The following CRPPA variants were observed in gnomAD, a reference collection of about 807,000 sequenced individuals.
CRPPA encodes the protein CDP-L-ribitol pyrophosphorylase A.
In CRPPA, 43 loss-of-function variants were observed where a neutral mutation model predicts 52.0. The observed-to-expected ratio is 0.83, with a 90% CI of 0.65 to 1.07. CRPPA has a LOEUF of 1.07. Ranked by LOEUF, CRPPA falls within the 50% of genes least tolerant of loss-of-function variation. CRPPA has a pLI of 0.00. For synonymous variants in CRPPA, 250 were observed against 203.5 expected, an observed-to-expected ratio of 1.23 and a Z score of -1.94; for missense variants, 629 against 551.7, an observed-to-expected ratio of 1.14 and a Z score of -1.40.
In CRPPA at chr7:16,320,510, G is replaced by C. The variant is rs1045903410; in HGVS notation, c.685-11883C>G. Reference sequence around the variant, plus strand: ...AATGGTCCACGGCTACAGATAATCTGATTACCTATCCTTCCAGCCTTAACA... The same window carrying C: ...AATGGTCCACGGCTACAGATAATCTCATTACCTATCCTTCCAGCCTTAACA... On this transcript the variant is annotated intron_variant, in intron 3 of 9. Coordinates refer to ENST00000407010, the MANE Select transcript of CRPPA (RefSeq NM_001101426.4). Among the ~76,000 whole-genome samples, 6 of 152,084 alleles carry C rather than the reference G, an allele frequency of 3.9e-5. 1 individual carries two copies. Among genetic ancestry groups the C allele is most frequent in the African/African-American group, 1.4e-4 (6 of 41,412 alleles).
At chr7:16,373,002 G>T (rs1786786766) in intron 3 of CRPPA, among the ~76,000 whole-genome samples, 2 of 152,290 alleles carry the variant, frequency 1.3e-5, no homozygotes, top group Admixed American at 6.5e-5. Flanking sequence ...CCTCAATAGA[G>T]AGTGGAAATA....
intron 3 of CRPPA, among the ~76,000 whole-genome samples, chr7:16,373,460 G>C (rs557120805): frequency 1.3e-5 from 2 of 152,308 alleles, no homozygotes; most frequent in Non-Finnish European, 2.9e-5. Context: ...ATACCAGGCA[G>C]ATTGCTAAGA....
intron 2 of CRPPA, among the ~76,000 whole-genome samples, chr7:16,383,717 G>A (rs1244378307): frequency 1.3e-5 from 2 of 152,196 alleles, no homozygotes; most frequent in Non-Finnish European, 1.5e-5. Flanking sequence ...CCCTCCCCCA[G>A]CCTCGCTGCC....
At chr7:16,158,961 T>A (rs1353811292) in intron 9 of CRPPA, among the ~76,000 whole-genome samples, 2 of 152,244 alleles carry the variant, frequency 1.3e-5, no homozygotes, top group African/African-American at 2.4e-5. Flanking sequence ...GTTTTTTAGC[T>A]ATACTTATTT....
intron 9 of CRPPA, among the ~76,000 whole-genome samples, chr7:16,138,763 A>G (rs1431084221): frequency 6.6e-6 from 1 of 152,066 alleles, no homozygotes; most frequent in Non-Finnish European, 1.5e-5. Flanking sequence ...AAACATTGTA[A>G]AGGGCCCATT....
chr7:16,117,022 T>A (rs1292595263), intron 9 of CRPPA, among the ~76,000 whole-genome samples: 6 of 152,200 alleles, frequency 3.9e-5, no homozygotes, highest in East Asian at 1.9e-4. Flanking sequence ...TGCTGCTTTT[T>A]TAGCATCTAG....
intron 9 of CRPPA, among the ~76,000 whole-genome samples, chr7:16,188,918 A>T (rs992017330): frequency 1.3e-5 from 2 of 152,182 alleles, no homozygotes; most frequent in Non-Finnish European, 2.9e-5. Flanking sequence ...ACAAGTTCCA[A>T]AATATAAAAC....
intron 9 of CRPPA, among the ~76,000 whole-genome samples, chr7:16,095,970 G>A (rs1781927865): frequency 6.6e-6 from 1 of 152,158 alleles, no homozygotes; most frequent in Non-Finnish European, 1.5e-5. Context: ...GTGCCAAGGA[G>A]CAGGAGGTTA....
At chr7:16,266,265 T>C (rs1783950242) in intron 6 of CRPPA, 1 of 152,194 alleles carries the variant, frequency 6.6e-6, no homozygotes, top group Non-Finnish European at 1.5e-5. Context: ...TCTGACCCAC[T>C]GCATTAAACG....
chr7:16,105,939 T>C (rs1050624500), intron 9 of CRPPA, among the ~76,000 whole-genome samples: 1 of 152,156 alleles, frequency 6.6e-6, no homozygotes, highest in Non-Finnish European at 1.5e-5. Flanking sequence ...GAGAAATGAA[T>C]GGACTACACC....
In CRPPA at chr7:16,376,213, G is replaced by C; in HGVS notation, c.563C>G (p.Ser188Cys). Residue 188 changes from serine to cysteine, a missense_variant, in exon 3 of 10, where the codon TCT becomes TGT. Physicochemically the swap from Ser to Cys is moderately radical, Grantham distance 112. Transcript: ENST00000407010. Reference sequence around the variant, plus strand: ...ATCAGCAGATGGACTGACGACAGTAGATACAAGAGGTCGAATGGCTCCTGC... The same window carrying C: ...ATCAGCAGATGGACTGACGACAGTACATACAAGAGGTCGAATGGCTCCTGC... ...GAAGAIRPLV[S>C]TVVSPSADGC... The C allele has an allele frequency of 6.2e-7, 1 of 1,610,668 alleles. No individual in the cohort carries two copies. Among genetic ancestry groups the C allele is most frequent in the East Asian group, 2.2e-5 (1 of 44,758 alleles).
In CRPPA at chr7:16,145,642, T is replaced by TA. The variant is rs1554277790; in HGVS notation, c.1252-53844dup. Among the ~76,000 whole-genome samples, 355 of 147,972 alleles carry TA rather than the reference T, an allele frequency of 2.4e-3. 4 individuals are homozygous for TA. Among genetic ancestry groups the TA allele is most frequent in the African/African-American group, 6.7e-3 (268 of 40,260 alleles). On this transcript the variant is annotated intron_variant, in intron 9 of 9. Transcript: ENST00000407010. ...TTTAACTTATAAATAAAAACTATCA[T>TA]AAAAAAAAAAACAGAAACCTTGTAG...
rs1363768485 is a variant in CRPPA at position 16,087,932 on chromosome 7, T to A, written c.*3763A>T. 6.6e-6 allele frequency: 1 copy of A among 152,222 alleles called. No homozygotes were observed. The highest frequency in any genetic ancestry group is 1.5e-5 in the Non-Finnish European group (1 of 68,030). The allele number at this position is 152,222 out of a possible 1,614,324, so 9.4% of individuals were successfully genotyped here. ...AAGACATTCTGTAATTTGATTTTTA[T>A]AAGATGATCACTGTATTTACATAAA... On this transcript the variant is annotated 3_prime_UTR_variant, in exon 10 of 10. Transcript: ENST00000407010.
chr7:16,122,511 T>C (rs1331854175), intron 9 of CRPPA, among the ~76,000 whole-genome samples: 1 of 152,064 alleles, frequency 6.6e-6, no homozygotes, highest in Admixed American at 6.6e-5. Context: ...ACATCATTCT[T>C]ATAAAAACAT....
chr7:16,192,358 G>A (rs764467458), intron 9 of CRPPA, among the ~76,000 whole-genome samples: 2 of 152,050 alleles, frequency 1.3e-5, no homozygotes, highest in Non-Finnish European at 1.5e-5. Context: ...CAATGTTAGC[G>A]ACATGGCTGC....
intron 3 of CRPPA, among the ~76,000 whole-genome samples, chr7:16,321,270 A>G (rs1408975889): frequency 6.6e-6 from 1 of 152,148 alleles, no homozygotes; most frequent in Non-Finnish European, 1.5e-5. Flanking sequence ...TCAAACTATT[A>G]AAAGCTAAGA....
chr7:16,355,587 T>C (rs1786274036), intron 3 of CRPPA, among the ~76,000 whole-genome samples: 1 of 152,180 alleles, frequency 6.6e-6, no homozygotes, highest in African/African-American at 2.4e-5. Flanking sequence ...TTAGAAAGTG[T>C]TTTAGTCCAA....
At chr7:16,120,320 C>T (rs1360673257) in intron 9 of CRPPA, among the ~76,000 whole-genome samples, 2 of 152,118 alleles carry the variant, frequency 1.3e-5, no homozygotes, top group African/African-American at 4.8e-5. Context: ...AATTTCTCAT[C>T]CCCCACCATC....
At chr7:16,338,183 A>G (rs895950492) in intron 3 of CRPPA, among the ~76,000 whole-genome samples, 11 of 152,230 alleles carry the variant, frequency 7.2e-5, no homozygotes, top group Admixed American at 7.2e-4. Context: ...ATTTTTTAAA[A>G]AGCATTCACA....
Sources: allele counts gnomAD v4.1 joint callset (sites outside exome capture counted in the v4.1 genomes callset), GRCh38; gene constraint gnomAD v4.1.1; transcripts MANE v1.5; gene names NCBI Gene and HGNC (gene_info 2026-07-23, HGNC 2026-07-21).